Variants in PTPRG observed in about 807,000 individuals in gnomAD.
PTPRG encodes receptor-type tyrosine-protein phosphatase gamma.
In PTPRG, 102 loss-of-function variants were observed where a neutral mutation model predicts 165.3. That is an observed-to-expected ratio of 0.62 (90% CI 0.53 to 0.73). The LOEUF is 0.73. PTPRG is among the 30% of genes least tolerant of loss of function. The pLI, the probability that PTPRG is intolerant of heterozygous loss-of-function variation, is 0.00. For synonymous variants in PTPRG, 675 were observed against 669.5 expected (o/e 1.01, Z -0.13); for missense variants, 1,866 against 1,861.4 (o/e 1.00, Z -0.05).
chr3:61,642,896 A>G (rs1017757192), intron 1 of PTPRG, among the ~76,000 whole-genome samples: 1 of 152,212 alleles, frequency 6.6e-6, no homozygotes, highest in East Asian at 1.9e-4. Context: ...TCCAGAGACA[A>G]TAAGCTGTTG....
At chr3:62,220,147 G>A (rs1700616434) in intron 13 of PTPRG, among the ~76,000 whole-genome samples, 1 of 152,224 alleles carries the variant, frequency 6.6e-6, no homozygotes, top group African/African-American at 2.4e-5. Flanking sequence ...AGGTCAGTGG[G>A]GCTGAGACGT....
intron 1 of PTPRG, among the ~76,000 whole-genome samples, chr3:61,716,475 A>G (rs1450486107): frequency 6.6e-6 from 1 of 152,198 alleles, no homozygotes; most frequent in Admixed American, 6.5e-5. Flanking sequence ...TCAGGAACAC[A>G]TGGATAAAGA....
At chr3:62,132,088 T>G (rs1703536328) in intron 5 of PTPRG, among the ~76,000 whole-genome samples, 1 of 152,160 alleles carries the variant, frequency 6.6e-6, no homozygotes, top group South Asian at 2.1e-4. Context: ...TTCAAGCTTC[T>G]CTCCCCTCCT....
At chr3:62,119,930 G>A (rs4688122) in intron 5 of PTPRG, among the ~76,000 whole-genome samples, 13,652 of 151,610 alleles carry the variant, frequency 0.09, 747 homozygotes, top group South Asian at 0.12. Flanking sequence ...CACCGTGCCC[G>A]GCCAGATTTA....
intron 2 of PTPRG, chr3:61,770,493 C>A (rs550678713): frequency 6.6e-6 from 1 of 152,190 alleles, no homozygotes; most frequent in African/African-American, 2.4e-5. Flanking sequence ...ATCTTTTGCA[C>A]CAACTTAATA....
intron 1 of PTPRG, among the ~76,000 whole-genome samples, chr3:61,712,603 C>T (rs534234769): frequency 6.6e-6 from 1 of 152,262 alleles, no homozygotes; most frequent in African/African-American, 2.4e-5. Flanking sequence ...TCTCCTGCTG[C>T]CTTGTGAAGA....
chr3:61,769,272 T>C (rs2034132021), intron 2 of PTPRG: 1 of 152,166 alleles, frequency 6.6e-6, no homozygotes, highest in South Asian at 2.1e-4. Context: ...TGTTTGTTTT[T>C]TTTGTTTTTG....
At chr3:61,662,603 A>G (rs1304960885) in intron 1 of PTPRG, among the ~76,000 whole-genome samples, 1 of 152,240 alleles carries the variant, frequency 6.6e-6, no homozygotes, top group Non-Finnish European at 1.5e-5. Context: ...TTACACAGTA[A>G]TAGATCACTA....
At chr3:62,292,252 T>G (rs541143838) in intron 28 of PTPRG, among the ~76,000 whole-genome samples, 169 bp from the exon 29 acceptor site, 1 of 152,174 alleles carries the variant, frequency 6.6e-6, no homozygotes, top group African/African-American at 2.4e-5. Context: ...CTCACCTTTA[T>G]GCTAGCTTCC....
intron 8 of PTPRG, among the ~76,000 whole-genome samples, chr3:62,189,187 C>T (rs1196649264): frequency 2.6e-5 from 4 of 152,132 alleles, no homozygotes; most frequent in Admixed American, 2.0e-4. Context: ...TAATTTATCC[C>T]TTCCTCCCTC....
At chr3:61,975,265 A>C (rs1048069062) in intron 2 of PTPRG, among the ~76,000 whole-genome samples, 2 of 152,206 alleles carry the variant, frequency 1.3e-5, no homozygotes, top group Non-Finnish European at 2.9e-5. Context: ...CACATGCCTC[A>C]TCTATAAAAT....
At chr3:62,132,755 A>G in intron 6 of PTPRG, 87 bp downstream of exon 6, 1 of 1,181,340 alleles carries the variant, frequency 8.5e-7, no homozygotes. Context: ...TGCAGAGGAC[A>G]GAGGGTGACA....
At chr3:61,693,778 G>GC (rs2030374426) in intron 1 of PTPRG, among the ~76,000 whole-genome samples, 1 of 152,082 alleles carries the variant, frequency 6.6e-6, no homozygotes, top group South Asian at 2.1e-4. Flanking sequence ...GGCTGAGGTG[G>GC]GCAGATTGCC....
At chr3:61,979,202 T>C (rs2040581091) in intron 2 of PTPRG, among the ~76,000 whole-genome samples, 1 of 152,230 alleles carries the variant, frequency 6.6e-6, no homozygotes, top group Non-Finnish European at 1.5e-5. Flanking sequence ...TGGTTGATTA[T>C]TGATTTTTCC....
chr3:61,954,713 T>G (rs2107631160), intron 2 of PTPRG, among the ~76,000 whole-genome samples: 1 of 152,300 alleles, frequency 6.6e-6, no homozygotes, highest in East Asian at 1.9e-4. Context: ...GCATACTACA[T>G]CCATTATTTT....
chr3:61,838,059 A>G (rs1292119693), intron 2 of PTPRG, among the ~76,000 whole-genome samples: 1 of 152,170 alleles, frequency 6.6e-6, no homozygotes, highest in Non-Finnish European at 1.5e-5. Flanking sequence ...GCTTCAACAT[A>G]TGAATGTTGC....
intron 1 of PTPRG, among the ~76,000 whole-genome samples, chr3:61,717,967 G>T (rs577428150): frequency 4.6e-5 from 7 of 151,998 alleles, no homozygotes; most frequent in African/African-American, 1.7e-4. Flanking sequence ...ATCACTTGAG[G>T]TCAGGAGATT....
intron 23 of PTPRG, 117 bp from the exon 24 acceptor site, chr3:62,275,756 T>C: frequency 1.4e-6 from 1 of 718,332 alleles, no homozygotes; most frequent in South Asian, 1.9e-5. Context: ...AAAGGTTCTT[T>C]GTGGCACAGA....
In PTPRG at chr3:62,254,449, G is replaced by A. The variant is rs1218015955; in HGVS notation, c.2468-675G>A. 3.9e-5 allele frequency among the ~76,000 whole-genome samples: 6 copies of A among 152,070 alleles called. No individual in the cohort carries two copies. The highest frequency in any genetic ancestry group is 1.2e-4 in the African/African-American group (5 of 41,416). On this transcript the variant is annotated intron_variant, in intron 15 of 29. Coordinates refer to ENST00000474889, the MANE Select transcript of PTPRG (RefSeq NM_002841.4). The surrounding 1 kb of genome is among the most constrained non-coding windows in gnomAD (Gnocchi z 4.6). ...AAGTCTCCTTTTGAAGTGACAACAC[G>A]AAATAAATGGGAATGTGGAGTCTTC...
Sources: allele counts gnomAD v4.1 joint callset (sites outside exome capture counted in the v4.1 genomes callset), GRCh38; gene constraint gnomAD v4.1.1; non-coding constraint Gnocchi (gnomAD v3.1); transcripts MANE v1.5; gene names NCBI Gene and HGNC (gene_info 2026-07-23, HGNC 2026-07-21).